The following CDH13 variants were observed in gnomAD, a reference collection of about 807,000 sequenced individuals.
CDH13 encodes cadherin 13, also known as cadherin-13.
A neutral mutation model predicts 63.8 loss-of-function variants in CDH13; 24 were observed. The observed-to-expected ratio is 0.38, with a 90% CI of 0.27 to 0.53. The LOEUF is 0.53. CDH13 is among the 20% of genes least tolerant of loss of function. The pLI is 0.85. For synonymous variants in CDH13, 503 were observed against 355.3 expected (o/e 1.42, Z -4.67); for missense variants, 1,049 against 903.1 (o/e 1.16, Z -2.07).
At chr16:83,511,931 A>G (rs951931232) in intron 7 of CDH13, among the ~76,000 whole-genome samples, 3 of 152,162 alleles carry the variant, frequency 2.0e-5, no homozygotes, top group Non-Finnish European at 4.4e-5. Flanking sequence ...CATAAAAGCA[A>G]TCACTGCATG....
chr16:82,928,156 A>C (rs2042363065), intron 2 of CDH13, among the ~76,000 whole-genome samples: 2 of 84,598 alleles, frequency 2.4e-5, no homozygotes, highest in African/African-American at 8.1e-5. Context: ...TAAAGTAGGC[A>C]GTCGTGTATG....
At chr16:83,106,517 G>C (rs777256950) in intron 3 of CDH13, among the ~76,000 whole-genome samples, 1 of 152,102 alleles carries the variant, frequency 6.6e-6, no homozygotes, top group Non-Finnish European at 1.5e-5. Context: ...CTCCAGCCTG[G>C]GCGACAAGGC....
At chr16:83,206,278 T>G (rs1359739700) in intron 4 of CDH13, among the ~76,000 whole-genome samples, 1 of 152,232 alleles carries the variant, frequency 6.6e-6, no homozygotes, top group African/African-American at 2.4e-5. Context: ...ATCTCAGAAT[T>G]CACCTAAGAC....
chr16:83,293,911 G>A (rs1190117604), intron 5 of CDH13, among the ~76,000 whole-genome samples: 1 of 152,112 alleles, frequency 6.6e-6, no homozygotes, highest in Non-Finnish European at 1.5e-5. Flanking sequence ...CCCTTAGCAT[G>A]TATTATCTCA....
intron 5 of CDH13, among the ~76,000 whole-genome samples, chr16:83,303,741 T>C (rs2089805924): frequency 6.6e-6 from 1 of 152,202 alleles, no homozygotes; most frequent in African/African-American, 2.4e-5. Flanking sequence ...TTGAGGCTAC[T>C]GCTTCAGTTT....
chr16:83,085,542 A>G (rs778448406), intron 3 of CDH13, among the ~76,000 whole-genome samples: 1 of 152,224 alleles, frequency 6.6e-6, no homozygotes, highest in Non-Finnish European at 1.5e-5. Flanking sequence ...AGTCTTATCA[A>G]AAACCACTAG....
intron 3 of CDH13, among the ~76,000 whole-genome samples, chr16:83,037,918 T>A (rs1045913988): frequency 3.3e-5 from 5 of 152,112 alleles, no homozygotes; most frequent in African/African-American, 1.2e-4. Context: ...AAGGGACAGT[T>A]CCCATCAATG....
intron 8 of CDH13, among the ~76,000 whole-genome samples, chr16:83,610,616 C>G (rs1384910931): frequency 6.6e-6 from 1 of 152,142 alleles, no homozygotes; most frequent in Non-Finnish European, 1.5e-5. Context: ...ACCCTTGGGA[C>G]TAACTTTTGT....
chr16:83,533,805 G>C (rs2075132846), intron 7 of CDH13, among the ~76,000 whole-genome samples: 1 of 151,860 alleles, frequency 6.6e-6, no homozygotes, highest in Non-Finnish European at 1.5e-5. Flanking sequence ...ATTTTTAGTA[G>C]AGATGGGATT....
At chr16:82,866,037 AG>A (rs1249770105) in intron 2 of CDH13, among the ~76,000 whole-genome samples, 2 of 152,224 alleles carry the variant, frequency 1.3e-5, no homozygotes, top group African/African-American at 2.4e-5. Flanking sequence ...TCACTAGGGC[AG>A]GGGCAAAATG....
chr16:83,286,997 T>A (rs543403192), intron 5 of CDH13, among the ~76,000 whole-genome samples: 1 of 152,064 alleles, frequency 6.6e-6, no homozygotes, highest in Non-Finnish European at 1.5e-5. Context: ...TTGAGATTAC[T>A]CCTCCTTTCA....
In CDH13 at chr16:83,579,233, G is replaced by GAGT. The variant is rs568244187; in HGVS notation, c.961-23220_961-23218dup. ...CAGAGATCCTGGCTGGACTAGGGGA[G>GAGT]AGTGAATCACCCCAGGGAGAGCCAT... On this transcript the variant is annotated intron_variant, in intron 7 of 13. Transcript: ENST00000567109. Among the ~76,000 whole-genome samples the GAGT allele has an allele frequency of 1.6e-3, 239 of 152,268 alleles. 1 individual carries two copies. The highest frequency in any genetic ancestry group is 5.7e-3 in the African/African-American group (236 of 41,556).
At chr16:83,319,339 C>A (rs1293523319) in intron 5 of CDH13, among the ~76,000 whole-genome samples, 2 of 152,168 alleles carry the variant, frequency 1.3e-5, no homozygotes, top group African/African-American at 2.4e-5. Context: ...TGTTTCTCTG[C>A]CAGCAAAGGT....
chr16:83,227,670 G>C (rs903842806), intron 5 of CDH13, among the ~76,000 whole-genome samples: 3 of 152,132 alleles, frequency 2.0e-5, no homozygotes, highest in African/African-American at 7.2e-5. Flanking sequence ...TAAAAAGCAC[G>C]TGGGGGAGCA....
intron 1 of CDH13, among the ~76,000 whole-genome samples, chr16:82,742,184 C>T (rs1028663502): frequency 4.6e-5 from 7 of 152,088 alleles, no homozygotes; most frequent in Non-Finnish European, 1.0e-4. Context: ...AAATGAGAAT[C>T]TTGTAAAATA....
chr16:82,899,723 C>G (rs1350373313), intron 2 of CDH13, among the ~76,000 whole-genome samples: 3 of 152,058 alleles, frequency 2.0e-5, no homozygotes, highest in Admixed American at 6.6e-5. Context: ...CTCACCTGGC[C>G]CATTTAGTGT....
At chr16:82,690,907 G>A (rs566767403) in intron 1 of CDH13, among the ~76,000 whole-genome samples, 7 of 152,318 alleles carry the variant, frequency 4.6e-5, no homozygotes, top group South Asian at 2.1e-4. Context: ...GAGGATGAAC[G>A]CTCTAGTTGC....
At chr16:83,294,415 C>T (rs1170341799) in intron 5 of CDH13, among the ~76,000 whole-genome samples, 1 of 152,110 alleles carries the variant, frequency 6.6e-6, no homozygotes, top group Non-Finnish European at 1.5e-5. Context: ...CCACCCCAGC[C>T]CCTGGCAACC....
chr16:82,800,805 C>A (rs1482631635), intron 1 of CDH13, among the ~76,000 whole-genome samples: 3 of 152,172 alleles, frequency 2.0e-5, no homozygotes, highest in African/African-American at 7.2e-5. Context: ...TTGGGAGTCT[C>A]AGATGAGAAA....
Sources: allele counts gnomAD v4.1 joint callset (sites outside exome capture counted in the v4.1 genomes callset), GRCh38; gene constraint gnomAD v4.1.1; transcripts MANE v1.5; gene names NCBI Gene and HGNC (gene_info 2026-07-23, HGNC 2026-07-21).